Variants in KIF13B observed in about 807,000 individuals in gnomAD.
The protein encoded by KIF13B is kinesin family member 13B.
Under a neutral mutation model 222.0 loss-of-function variants are expected in KIF13B, and 127 were observed. The ratio of observed to expected loss-of-function variants is 0.57; its 90% confidence interval spans 0.50 to 0.66. The LOEUF (loss-of-function observed/expected upper bound fraction) is 0.66. KIF13B is among the 30% of genes least tolerant of loss of function. The pLI, the probability that KIF13B is intolerant of heterozygous loss-of-function variation, is 0.00. For synonymous variants in KIF13B, 976 were observed against 919.0 expected (o/e 1.06, Z -1.12); for missense variants, 2,173 against 2,379.0 (o/e 0.91, Z 1.80).
At chr8:29,133,117 T>C (rs1810417134) in intron 22 of KIF13B, among the ~76,000 whole-genome samples, 1 of 152,176 alleles carries the variant, frequency 6.6e-6, no homozygotes. Context: ...GGCCTCTCTC[T>C]TGAAAGAGAT....
chr8:29,134,224 A>G lies in KIF13B; in HGVS notation c.2614-14T>C. The G allele has an allele frequency of 1.2e-6, 2 of 1,611,766 alleles. No homozygotes were observed. The highest frequency in any genetic ancestry group is 1.7e-6 in the Non-Finnish European group (2 of 1,178,960). On this transcript the variant is annotated splice_polypyrimidine_tract_variant and intron_variant, in intron 21 of 39. Coordinates refer to ENST00000524189, the MANE Select transcript of KIF13B (RefSeq NM_015254.4). ...CAGGATTTTAACCTGAAGGAAAAAG[A>G]AGGCTCTGTGTTTTGAAATCTGAGG...
intron 14 of KIF13B, among the ~76,000 whole-genome samples, chr8:29,150,945 G>T (rs1381523016): frequency 6.6e-6 from 1 of 152,102 alleles, no homozygotes; most frequent in Non-Finnish European, 1.5e-5. Context: ...CTCTCAAAAG[G>T]TGGAAATAAT....
Position 29,134,138 on chromosome 8 carries a change from C to T in KIF13B, c.2686G>A (p.Asp896Asn). ...GCGACAATCACCGGCTCCTGTTGATCCCAGAAGCTGTATTTGCAGAACACA... is the reference window on the plus strand; with the variant it reads ...GCGACAATCACCGGCTCCTGTTGATTCCAGAAGCTGTATTTGCAGAACACA... ...HFVFCKYSFW[D>N]QQEPVIVAPE... The change falls in exon 22 of 40, where the codon GAT becomes AAT. Residue 896 changes from aspartate to asparagine, a missense_variant. Coordinates refer to ENST00000524189, the MANE Select transcript of KIF13B (RefSeq NM_015254.4). 1 of 1,613,904 alleles carries T rather than the reference C, an allele frequency of 6.2e-7. No homozygotes were observed. Among genetic ancestry groups the T allele is most frequent in the Non-Finnish European group, 8.5e-7 (1 of 1,179,806 alleles).
At chr8:29,196,140 G>T (rs1359425407) in intron 3 of KIF13B, 47 bp downstream of exon 3, 4 of 1,476,308 alleles carry the variant, frequency 2.7e-6, no homozygotes, top group East Asian at 2.4e-5. Context: ...TCAACAACAT[G>T]CATATAAGAT....
At chr8:29,098,951 C>G (rs1808666465) in intron 36 of KIF13B, among the ~76,000 whole-genome samples, 182 bp downstream of exon 36, 1 of 152,136 alleles carries the variant, frequency 6.6e-6, no homozygotes, top group Admixed American at 6.5e-5. Flanking sequence ...TATATCAGAG[C>G]AATGCAAGAT....
At chr8:29,260,250 A>T (rs1034104856) in intron 1 of KIF13B, among the ~76,000 whole-genome samples, 2 of 152,238 alleles carry the variant, frequency 1.3e-5, no homozygotes, top group Non-Finnish European at 2.9e-5. Flanking sequence ...CCAAACACCT[A>T]AGCACAACCA....
intron 27 of KIF13B, 50 bp downstream of exon 27, chr8:29,123,974 A>C: frequency 1.8e-6 from 2 of 1,105,046 alleles, no homozygotes; most frequent in Non-Finnish European, 2.7e-6. Flanking sequence ...AGAATAATTA[A>C]TTATGCATTG....
intron 2 of KIF13B, among the ~76,000 whole-genome samples, chr8:29,230,773 T>C (rs1343727267): frequency 2.6e-5 from 4 of 152,216 alleles, no homozygotes; most frequent in East Asian, 3.9e-4. Flanking sequence ...GGGTCTGATA[T>C]GGGGCAGAAT....
intron 2 of KIF13B, among the ~76,000 whole-genome samples, chr8:29,228,472 AAT>A (rs1491523107): frequency 5.1e-5 from 6 of 117,054 alleles, no homozygotes; most frequent in East Asian, 2.1e-4. Flanking sequence ...ATCTTAAAAA[AAT>A]ATATATATAT....
At chr8:29,247,743 A>T (rs1052970690) in intron 1 of KIF13B, among the ~76,000 whole-genome samples, 4 of 145,510 alleles carry the variant, frequency 2.7e-5, no homozygotes, top group African/African-American at 1.0e-4. Context: ...TTGAGATAGG[A>T]GGATGGCTTG....
chr8:29,185,126 C>A (rs1001684651), intron 6 of KIF13B, among the ~76,000 whole-genome samples: 1 of 152,056 alleles, frequency 6.6e-6, no homozygotes, highest in South Asian at 2.1e-4. Flanking sequence ...TCCTACTCTC[C>A]GACCACACTG....
chr8:29,113,417 T>C, intron 32 of KIF13B, 46 bp downstream of exon 32: 2 of 1,226,404 alleles, frequency 1.6e-6, no homozygotes, highest in Non-Finnish European at 2.3e-6. Flanking sequence ...GAGTTGGCTC[T>C]TTTTAAGTGT....
chr8:29,070,449 G>A lies in KIF13B; in HGVS notation c.*55C>T, dbSNP rs1342891479. The A allele has an allele frequency of 8.2e-6, 13 of 1,584,762 alleles. No individual in the cohort carries two copies. The Admixed American group carries it at 1.9e-4, about 23-fold the overall frequency. ...TCCTGGCTCCTCAGGGCTGTCACTGGCAGGGCTCAAAAGGGGCCGGGCACC... is the reference window on the plus strand; with the variant it reads ...TCCTGGCTCCTCAGGGCTGTCACTGACAGGGCTCAAAAGGGGCCGGGCACC... On this transcript the variant is annotated 3_prime_UTR_variant, in exon 40 of 40. Coordinates refer to ENST00000524189, the MANE Select transcript of KIF13B (RefSeq NM_015254.4). This position sits in a 1 kb window ranked among gnomAD's most constrained non-coding sequence, Gnocchi z 4.1.
intron 2 of KIF13B, among the ~76,000 whole-genome samples, chr8:29,209,093 G>C (rs556558149): frequency 6.6e-6 from 1 of 152,304 alleles, no homozygotes; most frequent in South Asian, 2.1e-4. Context: ...AAATGTAAAT[G>C]CAAGACACCA....
rs190428799 is a variant in KIF13B, at chr8:29,107,674, C to T, written c.4215+465G>A. Among the ~76,000 whole-genome samples, 1,201 of 151,750 alleles carry T rather than the reference C, an allele frequency of 7.9e-3. 14 individuals are homozygous for T. Among genetic ancestry groups the T allele is most frequent in the African/African-American group, 0.027 (1,111 of 41,342 alleles). ...CCCCGGGGTTCACACCATTCTCCTGCCTTAGCCTCCCGAGTAGCTGGGACT... is the reference window on the plus strand; with the variant it reads ...CCCCGGGGTTCACACCATTCTCCTGTCTTAGCCTCCCGAGTAGCTGGGACT... On this transcript the variant is annotated intron_variant, in intron 35 of 39. Transcript: ENST00000524189.
At chr8:29,238,670 GTC>G (rs1815622371) in intron 2 of KIF13B, among the ~76,000 whole-genome samples, 1 of 152,144 alleles carries the variant, frequency 6.6e-6, no homozygotes, top group Admixed American at 6.5e-5. Context: ...AACAAGAACA[GTC>G]TCTGCCTATT....
At chr8:29,260,097 T>C (rs1816626089) in intron 1 of KIF13B, among the ~76,000 whole-genome samples, 1 of 152,246 alleles carries the variant, frequency 6.6e-6, no homozygotes, top group Non-Finnish European at 1.5e-5. Flanking sequence ...ATTACAACTC[T>C]TCCTGTTACT....
At chr8:29,085,705 CTTTT>C (rs71222589) in intron 37 of KIF13B, among the ~76,000 whole-genome samples, 12,411 of 48,904 alleles carry the variant, frequency 0.25, 1,096 homozygotes, top group Non-Finnish European at 0.3. Flanking sequence ...AAATACTCTT[CTTTT>C]TTTTTTTTTT....
intron 35 of KIF13B, among the ~76,000 whole-genome samples, chr8:29,101,996 C>T (rs752031564): frequency 3.7e-4 from 57 of 152,066 alleles, no homozygotes; most frequent in Non-Finnish European, 7.2e-4. Flanking sequence ...ACACTGTTCC[C>T]CAGGGACAAC....
Sources: allele counts gnomAD v4.1 joint callset (sites outside exome capture counted in the v4.1 genomes callset), GRCh38; gene constraint gnomAD v4.1.1; non-coding constraint Gnocchi (gnomAD v3.1); transcripts MANE v1.5; gene names NCBI Gene and HGNC (gene_info 2026-07-23, HGNC 2026-07-21).